Variants in MRC1 observed in about 807,000 individuals in gnomAD.
MRC1 encodes mannose receptor C-type 1.
MRC1 carries 62 observed loss-of-function variants against 102.9 expected under a neutral mutation model. The ratio of observed to expected loss-of-function variants is 0.60; its 90% CI spans 0.49 to 0.74. MRC1 has a LOEUF of 0.74. Among genes scored for constraint, MRC1 ranks in the 30% least tolerant of loss-of-function variants. The probability of loss-of-function intolerance (pLI) is 0.00; values close to 1 mark genes in which losing one functional copy is unlikely to be tolerated. For missense variants in MRC1, 1,237 were observed against 862.8 expected (o/e 1.43, Z -5.43); for synonymous variants, 457 against 298.4 (o/e 1.53, Z -5.48).
chr10:17,810,248 A>T (rs1176502523), intron 1 of MRC1, among the ~76,000 whole-genome samples: 2 of 152,082 alleles, frequency 1.3e-5, no homozygotes, highest in Non-Finnish European at 2.9e-5. Context: ...AGTTGCTTAA[A>T]CTTCAGGATG....
At chr10:17,851,186 A>AT (rs1340458211) in intron 7 of MRC1, among the ~76,000 whole-genome samples, 2 of 152,142 alleles carry the variant, frequency 1.3e-5, no homozygotes, top group African/African-American at 4.8e-5. Context: ...AAAACCTGAT[A>AT]TTTTTATTGC....
At chr10:17,851,556 A>G (rs1261555937) in intron 7 of MRC1, among the ~76,000 whole-genome samples, 2 of 152,218 alleles carry the variant, frequency 1.3e-5, no homozygotes, top group East Asian at 3.8e-4. Flanking sequence ...ATATTTTTCT[A>G]GGATCAAGAT....
At chr10:17,825,396 C>G (rs1044034158) in intron 2 of MRC1, among the ~76,000 whole-genome samples, 1 of 152,082 alleles carries the variant, frequency 6.6e-6, no homozygotes. Flanking sequence ...GTTCTTTTGG[C>G]CTCATCAGTG....
chr10:17,891,131 TTTTATTTA>T (rs879194856), intron 22 of MRC1, among the ~76,000 whole-genome samples: 5,486 of 134,976 alleles, frequency 0.041, 210 homozygotes, highest in African/African-American at 0.1. Context: ...GTATCACTAG[TTTTATTTA>T]TTTATTTATT....
chr10:17,827,884 G>T (rs1029558214), intron 3 of MRC1, among the ~76,000 whole-genome samples, 169 bp downstream of exon 3: 7 of 152,234 alleles, frequency 4.6e-5, no homozygotes, highest in Admixed American at 6.5e-5. Flanking sequence ...TTCCAATGGA[G>T]AAAATGATCT....
At chr10:17,886,813 G>T (rs1833603369) in intron 22 of MRC1, among the ~76,000 whole-genome samples, 2 of 152,292 alleles carry the variant, frequency 1.3e-5, no homozygotes, top group South Asian at 2.1e-4. Context: ...AGAGATACAT[G>T]ATGTGTTTGG....
intron 3 of MRC1, among the ~76,000 whole-genome samples, chr10:17,830,121 TTATTG>T (rs1353485323): frequency 6.6e-6 from 1 of 151,286 alleles, no homozygotes; most frequent in African/African-American, 2.5e-5. Context: ...AAAAGAGTTT[TTATTG>T]TATTTATTTA....
At chr10:17,894,406 T>TTC in intron 23 of MRC1, 94 bp downstream of exon 23, 1 of 688,880 alleles carries the variant, frequency 1.5e-6, no homozygotes, top group Non-Finnish European at 2.5e-6. Flanking sequence ...TTTTTTTTTT[T>TTC]TTTTTTTTTT....
At chr10:17,814,478 C>T (rs1838275281) in intron 1 of MRC1, among the ~76,000 whole-genome samples, 1 of 151,994 alleles carries the variant, frequency 6.6e-6, no homozygotes, top group Admixed American at 6.6e-5. Context: ...GTAGCTTTAC[C>T]AGACAGCATT....
intron 1 of MRC1, among the ~76,000 whole-genome samples, chr10:17,815,427 G>A (rs548893943): frequency 4.2e-4 from 64 of 152,282 alleles, no homozygotes; most frequent in African/African-American, 1.5e-3. Flanking sequence ...TATCTTAAGG[G>A]GGATCTGGGG....
At chr10:17,885,475 G>A (rs1589191484) in intron 22 of MRC1, 40 bp downstream of exon 22, 1 of 778,520 alleles carries the variant, frequency 1.3e-6, no homozygotes, top group South Asian at 1.3e-5. Flanking sequence ...CACACCATCA[G>A]CTTGCACAGG....
At chr10:17,878,565 C>T (rs548431) in intron 18 of MRC1, among the ~76,000 whole-genome samples, 135,654 of 152,262 alleles carry the variant, frequency 0.89, 60,512 homozygotes, top group African/African-American at 0.9. Context: ...AGGGCAGATA[C>T]GTCCTCCTGG....
At chr10:17,886,805 A>G (rs2130699838) in intron 22 of MRC1, among the ~76,000 whole-genome samples, 1 of 152,328 alleles carries the variant, frequency 6.6e-6, no homozygotes, top group Non-Finnish European at 1.5e-5. Flanking sequence ...TTCAAGCAAG[A>G]GATACATGAT....
intron 1 of MRC1, among the ~76,000 whole-genome samples, chr10:17,816,919 T>G (rs1217518635): frequency 6.6e-6 from 1 of 152,160 alleles, no homozygotes; most frequent in Non-Finnish European, 1.5e-5. Context: ...ATTTAATGAC[T>G]TGTTCAATGT....
chr10:17,811,558 A>C (rs1225618379), intron 1 of MRC1, among the ~76,000 whole-genome samples: 1 of 151,742 alleles, frequency 6.6e-6, no homozygotes, highest in African/African-American at 2.4e-5. Flanking sequence ...GAAAGCCTGT[A>C]ATTTGTGTTG....
chr10:17,828,318 C>T (rs1838515352), intron 3 of MRC1, among the ~76,000 whole-genome samples: 2 of 151,458 alleles, frequency 1.3e-5, no homozygotes, highest in African/African-American at 2.5e-5. Context: ...CCTCGTGATC[C>T]GCCCACCTCG....
chr10:17,888,264 G>A (rs1249358509), intron 22 of MRC1, among the ~76,000 whole-genome samples: 3 of 152,154 alleles, frequency 2.0e-5, no homozygotes, highest in African/African-American at 7.2e-5. Context: ...GGATAATGGG[G>A]GGTAAAAATA....
chr10:17,893,817 G>T (rs961627268), intron 22 of MRC1, among the ~76,000 whole-genome samples: 2 of 152,158 alleles, frequency 1.3e-5, no homozygotes, highest in Admixed American at 1.3e-4. Flanking sequence ...TATAGATCAT[G>T]CTCATTTCCC....
chr10:17,818,438 AAT>A (rs1222005530), intron 1 of MRC1, among the ~76,000 whole-genome samples: 1 of 152,228 alleles, frequency 6.6e-6, no homozygotes, highest in Non-Finnish European at 1.5e-5. Context: ...ATTGAAGAAA[AAT>A]ATATTTTAAG....
Sources: gnomAD v4.1 joint callset for allele counts (sites outside exome capture counted in the v4.1 genomes callset) on GRCh38, gnomAD v4.1.1 for gene constraint, MANE v1.5 for transcripts, NCBI Gene and HGNC (gene_info 2026-07-23, HGNC 2026-07-21) for gene names.